The following R3HDM1 variants were observed in gnomAD, a reference collection of about 807,000 sequenced individuals.
R3HDM1 encodes R3H domain-containing protein 1.
A neutral mutation model predicts 141.1 loss-of-function variants in R3HDM1; 46 were observed. The observed-to-expected ratio is 0.33, with a 90% CI of 0.26 to 0.42. The LOEUF (loss-of-function observed/expected upper bound fraction) is 0.42, where lower values mean the gene tolerates loss of function less well. Ranked by LOEUF, R3HDM1 falls within the 10% of genes least tolerant of loss-of-function variation. The probability of loss-of-function intolerance (pLI) is 1.00; values close to 1 mark genes in which losing one functional copy is unlikely to be tolerated. For synonymous variants in R3HDM1, 435 were observed against 472.9 expected, an observed-to-expected ratio of 0.92 and a Z score of 1.04; for missense variants, 1,184 against 1,368.3, an observed-to-expected ratio of 0.87 and a Z score of 2.12.
In R3HDM1 at chr2:135,616,138, T is replaced by C; in HGVS notation, c.172-14T>C. Reference sequence around the variant, plus strand: ...CAGTATGAAATTTAATACAAATCTTTCTTGTATATTCAGCGGCCATTGCAG... The same window carrying C: ...CAGTATGAAATTTAATACAAATCTTCCTTGTATATTCAGCGGCCATTGCAG... On this transcript the variant is annotated splice_polypyrimidine_tract_variant and intron_variant, in intron 3 of 26. Transcript: ENST00000683871. The C allele has an allele frequency of 6.2e-7, 1 of 1,609,426 alleles. No individual in the cohort carries two copies. The highest frequency in any genetic ancestry group is 8.5e-7 in the Non-Finnish European group (1 of 1,175,792).
rs1340161999 is a variant in R3HDM1 at position 135,631,925 on chromosome 2, G to A, written c.622G>A (p.Ala208Thr). The A allele has an allele frequency of 3.7e-6, 6 of 1,611,678 alleles. No homozygotes were observed. The highest frequency in any genetic ancestry group is 1.3e-5 in the African/African-American group (1 of 74,820). Reference protein sequence around the residue: ...YHRMLLHRVAAYFGLDHNVDQ... With the variant: ...YHRMLLHRVATYFGLDHNVDQ... ...TAGGATGCTATTACACAGAGTAGCC[G>A]CTTACTTTGGATTAGACCACAATGT... Residue 208 changes from alanine (A) to threonine (T), a missense_variant, in exon 9 of 27, where the codon GCT becomes ACT. By Grantham distance (58) the Ala-to-Thr change is moderately conservative. Transcript: ENST00000683871.
chr2:135,561,253 C>G, intron 1 of R3HDM1: 2 of 975,214 alleles, frequency 2.1e-6, no homozygotes, highest in Non-Finnish European at 2.4e-6. Flanking sequence ...AAATTTTTCT[C>G]TTTTTAGTGA....
intron 7 of R3HDM1, among the ~76,000 whole-genome samples, chr2:135,630,281 C>CAAAAAAAAAAACAAAAA (rs2062533893): frequency 2.5e-5 from 1 of 39,316 alleles, no homozygotes; most frequent in African/African-American, 9.2e-5. Context: ...CCTTCTCAAC[C>CAAAAAAAAAAACAAAAA]AAAAAAAAAA....
Position 135,709,424 on chromosome 2 carries a change from T to C in R3HDM1, c.2460-9T>C. 2 of 1,613,884 alleles carry C rather than the reference T, an allele frequency of 1.2e-6. No individual in the cohort carries two copies. The highest frequency in any genetic ancestry group is 1.7e-6 in the Non-Finnish European group (2 of 1,179,922). On this transcript the variant is annotated splice_polypyrimidine_tract_variant and intron_variant, in intron 21 of 26. Transcript: ENST00000683871. ...CTCTCATTATGCTGTTTTTTTGTTT[T>C]TTCCATAGCTCTTCAGTAGGTTACC...
intron 5 of R3HDM1, among the ~76,000 whole-genome samples, chr2:135,617,170 CA>C (rs2061106316): frequency 6.6e-6 from 1 of 151,680 alleles, no homozygotes. Context: ...AAAAAAAATA[CA>C]AAAAAATTAG....
chr2:135,640,252 A>C, intron 14 of R3HDM1, among the ~76,000 whole-genome samples: 1 of 152,228 alleles, frequency 6.6e-6, no homozygotes, highest in East Asian at 1.9e-4. Context: ...TATGAATTGC[A>C]GTTGTCATCT....
chr2:135,607,317 C>A (rs2060162769), intron 3 of R3HDM1: 3 of 985,306 alleles, frequency 3.0e-6, no homozygotes, highest in Non-Finnish European at 3.6e-6. Flanking sequence ...TTTTCTCATT[C>A]TTTTGTTCAG....
At chr2:135,678,715 G>A (rs953925959) in intron 20 of R3HDM1, among the ~76,000 whole-genome samples, 5 of 149,100 alleles carry the variant, frequency 3.4e-5, no homozygotes, top group Admixed American at 6.7e-5. Flanking sequence ...TATTATTAAC[G>A]TCATCATCAT....
At chr2:135,555,680 G>T (rs1700620235) in intron 1 of R3HDM1, among the ~76,000 whole-genome samples, 1 of 152,208 alleles carries the variant, frequency 6.6e-6, no homozygotes, top group East Asian at 1.9e-4. Flanking sequence ...GTCAACTGAT[G>T]AATGGATAAG....
intron 1 of R3HDM1, among the ~76,000 whole-genome samples, chr2:135,593,326 A>T (rs1709786551): frequency 6.6e-6 from 1 of 152,218 alleles, no homozygotes; most frequent in Admixed American, 6.5e-5. Context: ...GGGAGCTCTC[A>T]GTATAACCCT....
At chr2:135,669,662 G>C (rs1364639614) in intron 19 of R3HDM1, 1 of 785,390 alleles carries the variant, frequency 1.3e-6, no homozygotes, top group Non-Finnish European at 1.5e-6. Context: ...CTACACATTT[G>C]ATAGCTGTTG....
At chr2:135,620,736 A>G in intron 5 of R3HDM1, 1 of 866,558 alleles carries the variant, frequency 1.2e-6, no homozygotes, top group African/African-American at 1.8e-5. Context: ...AAACAGAGCT[A>G]CATGATTTTT....
chr2:135,723,962 T>C lies in R3HDM1; in HGVS notation c.3075T>C (p.Thr1025=), dbSNP rs754990138. The C allele has an allele frequency of 1.2e-6, 2 of 1,612,742 alleles. No individual in the cohort carries two copies. The highest frequency in any genetic ancestry group is 3.3e-5 in the Admixed American group (2 of 59,882). The change falls in exon 27 of 27, where the codon ACT becomes ACC. Residue 1025 remains threonine, a synonymous_variant. Transcript: ENST00000683871. The part of the protein sequence containing the change: ...ETVVGKVLEI[T]ELPDGITRME... ...TTGTTGGGAAGGTCTTGGAAATTAC[T>C]GAACTACCAGATGGAATAACTCGCA...
At chr2:135,638,860 G>A in intron 13 of R3HDM1, 36 bp from the exon 14 acceptor site, 1 of 1,611,694 alleles carries the variant, frequency 6.2e-7, no homozygotes, top group Non-Finnish European at 8.5e-7. Flanking sequence ...TTGTTCCCCT[G>A]CATTAGCTTT....
chr2:135,650,122 T>C (rs2064991831), intron 17 of R3HDM1, 119 bp downstream of exon 17: 1 of 1,004,418 alleles, frequency 1.0e-6, no homozygotes, highest in African/African-American at 1.7e-5. Flanking sequence ...GGTTTACATA[T>C]GTATCTAAAC....
intron 21 of R3HDM1, among the ~76,000 whole-genome samples, chr2:135,689,014 A>G (rs1487691910): frequency 6.6e-6 from 1 of 152,224 alleles, no homozygotes; most frequent in Non-Finnish European, 1.5e-5. Context: ...GGATAAGAAT[A>G]TGTATTTGTT....
intron 15 of R3HDM1, among the ~76,000 whole-genome samples, chr2:135,644,318 C>T (rs1447651127): frequency 1.3e-5 from 2 of 151,524 alleles, no homozygotes; most frequent in Non-Finnish European, 2.9e-5. Flanking sequence ...GCCTGGCCAA[C>T]ATGGTGAAAC....
intron 7 of R3HDM1, among the ~76,000 whole-genome samples, chr2:135,627,261 A>T (rs1349439085): frequency 6.6e-6 from 1 of 152,178 alleles, no homozygotes; most frequent in Non-Finnish European, 1.5e-5. Flanking sequence ...TATTGCCTGG[A>T]GAATTCTACT....
At chr2:135,552,719 A>C (rs1054916650) in intron 1 of R3HDM1, among the ~76,000 whole-genome samples, 17 of 152,258 alleles carry the variant, frequency 1.1e-4, no homozygotes, top group African/African-American at 3.4e-4. Context: ...CATCATTGGC[A>C]CTCCAGTTTA....
Sources: gnomAD v4.1 joint callset for allele counts (sites outside exome capture counted in the v4.1 genomes callset) on GRCh38, gnomAD v4.1.1 for gene constraint, MANE v1.5 for transcripts, NCBI Gene and HGNC (gene_info 2026-07-23, HGNC 2026-07-21) for gene names.